ADAMTS5: variants seen among roughly 807,000 people sequenced by gnomAD.
The protein encoded by ADAMTS5 is ADAM metallopeptidase with thrombospondin type 1 motif 5.
A neutral mutation model predicts 81.4 loss-of-function variants in ADAMTS5; 54 were observed. The ratio of observed to expected loss-of-function variants is 0.66; its 90% confidence interval spans 0.53 to 0.83. The LOEUF is 0.83. Among genes scored for constraint, ADAMTS5 ranks in the 40% least tolerant of loss-of-function variants. The probability of loss-of-function intolerance (pLI) is 0.00; values close to 1 mark genes in which losing one functional copy is unlikely to be tolerated. For missense variants in ADAMTS5, 1,194 were observed against 1,229.9 expected (o/e 0.97, Z 0.44); for synonymous variants, 532 against 508.8 (o/e 1.05, Z -0.61).
At position 26,923,923 on chromosome 21, in the gene ADAMTS5, A is replaced by G. The variant is rs2123162363; in HGVS notation, c.*130T>C. 1 of 956,880 alleles carries G rather than the reference A, an allele frequency of 1.0e-6. No individual in the cohort carries two copies. Among genetic ancestry groups the G allele is most frequent in the Non-Finnish European group, 1.5e-6 (1 of 663,352 alleles). The allele number at this position is 956,880 out of a possible 1,614,324, so 59.3% of individuals were successfully genotyped here. ...TGGTCACAGAGAGCAGATTCTGCCC[A>G]TAATTGGACTCCTGTTGACAATGTC... On this transcript the variant is annotated 3_prime_UTR_variant, in exon 8 of 8. Transcript: ENST00000284987.
In ADAMTS5 at chr21:26,965,696, T is replaced by C; in HGVS notation, c.696A>G (p.Ala232=). ...GGTCCAAGAGCTGCGAGGCCAGTGC[T>C]GCGCGTCCGCTCGGGTTGCTGTGCG... ...APAHSNPSGR[A]ALASQLLDQS... The change falls in exon 1 of 8, where the codon GCA becomes GCG. Residue 232 remains alanine (A), a synonymous_variant. Transcript: ENST00000284987. The C allele has an allele frequency of 6.3e-7, 1 of 1,582,262 alleles. No homozygotes were observed. The highest frequency in any genetic ancestry group is 1.1e-5 in the South Asian group (1 of 87,526).
At chr21:26,949,199 GGAGAGA>G (rs71183587) in intron 2 of ADAMTS5, among the ~76,000 whole-genome samples, 7 of 138,576 alleles carry the variant, frequency 5.1e-5, no homozygotes, top group East Asian at 4.2e-4. Context: ...ATATATATAT[GGAGAGA>G]GAGAGAGAGA....
At position 26,965,546 on chromosome 21, in the gene ADAMTS5, C is replaced by G. The variant is rs762742485; in HGVS notation, c.846G>C (p.Leu282Phe). The change falls in exon 1 of 8, where the codon TTG becomes TTC. Residue 282 changes from leucine (L) to phenylalanine (F), a missense_variant. Transcript: ENST00000284987. ...GGTAATGCTGCAGGCCCCGGCCATA[C>G]AACCGCGCCATGGACGCGTCAGCCA... ...LLVADASMAR[L>F]YGRGLQHYLL... 11 of 1,612,372 alleles carry G rather than the reference C, an allele frequency of 6.8e-6. No homozygotes were observed. The highest frequency in any genetic ancestry group is 9.3e-6 in the Non-Finnish European group (11 of 1,178,922).
intron 2 of ADAMTS5, 37 bp from the exon 3 acceptor site, chr21:26,943,584 G>C (rs773886223): frequency 3.2e-6 from 5 of 1,573,026 alleles, no homozygotes. Context: ...AATAATCCGT[G>C]ATTGTGTATT....
At chr21:26,936,212 G>C (rs1987011024) in intron 3 of ADAMTS5, among the ~76,000 whole-genome samples, 1 of 152,198 alleles carries the variant, frequency 6.6e-6, no homozygotes, top group African/African-American at 2.4e-5. Context: ...GAAACACCCA[G>C]TCTGAAGTCT....
At chr21:26,957,705 A>G (rs148270411) in intron 1 of ADAMTS5, among the ~76,000 whole-genome samples, 78 of 152,302 alleles carry the variant, frequency 5.1e-4, no homozygotes, top group African/African-American at 1.8e-3. Flanking sequence ...TTAGTAAAAT[A>G]TGAAGGTTGC....
At chr21:26,926,613 C>T (rs1421864473) in intron 7 of ADAMTS5, among the ~76,000 whole-genome samples, 1 of 148,906 alleles carries the variant, frequency 6.7e-6, no homozygotes, top group African/African-American at 2.5e-5. Context: ...GCAGAGGTTG[C>T]AGTGAGCCAA....
intron 4 of ADAMTS5, among the ~76,000 whole-genome samples, chr21:26,933,269 G>GCAT (rs1470899370): frequency 2.0e-5 from 3 of 152,102 alleles, no homozygotes; most frequent in Non-Finnish European, 4.4e-5. Context: ...AGATCTGAAA[G>GCAT]CATCATCCTA....
chr21:26,943,800 C>T (rs1157835463), intron 2 of ADAMTS5, among the ~76,000 whole-genome samples: 1 of 152,192 alleles, frequency 6.6e-6, no homozygotes, highest in African/African-American at 2.4e-5. Flanking sequence ...ATCTGGATCA[C>T]ATATGCTTAA....
chr21:26,956,265 C>A (rs1005875296), intron 1 of ADAMTS5, among the ~76,000 whole-genome samples: 1 of 152,188 alleles, frequency 6.6e-6, no homozygotes. Context: ...CTCTTAACTT[C>A]ATTCTCAGGT....
intron 7 of ADAMTS5, among the ~76,000 whole-genome samples, chr21:26,925,606 G>C (rs558089305): frequency 6.6e-6 from 1 of 152,312 alleles, no homozygotes; most frequent in East Asian, 1.9e-4. Context: ...GCCTTTTTAA[G>C]TAATTTCATA....
In ADAMTS5 at chr21:26,924,276, G is replaced by A. The variant is rs146064610; in HGVS notation, c.2570C>T (p.Pro857Leu). The stretch of plus-strand genomic sequence containing the variant: ...ATGACTAGTGACAGAGTTTACTTTT[G>A]GAGTGGACTTCTTGGGAACAAAAAA... ...YSFFVPKKST[P>L]KVNSVTSHGS... Residue 857 changes from proline (P) to leucine (L), a missense_variant, in exon 8 of 8, where the codon CCA (proline) becomes CTA (leucine). Physicochemically the swap from Pro to Leu is moderately conservative, Grantham distance 98. Around this residue, in one of 2 missense-constraint regions of ADAMTS5, gnomAD observed 696 missense variants for 817.6 expected, o/e 0.85. Coordinates refer to ENST00000284987, the MANE Select transcript of ADAMTS5 (RefSeq NM_007038.5). 2 of 1,614,176 alleles carry A rather than the reference G, an allele frequency of 1.2e-6. No individual in the cohort carries two copies. The highest frequency in any genetic ancestry group is 2.7e-5 in the African/African-American group (2 of 75,038).
At position 26,965,951 on chromosome 21, in the gene ADAMTS5, G is replaced by A. The variant is rs1987648710; in HGVS notation, c.441C>T (p.Asp147=). The change falls in exon 1 of 8, where the codon GAC becomes GAT. Residue 147 remains aspartate (D), a synonymous_variant. Transcript: ENST00000284987. ...DGSPRSLAVF[D]LCGGLDGFFA... Reference sequence around the variant, plus strand: ...AGAAGCCGTCGAGACCCCCACAGAGGTCAAAGACAGCCAGAGAGCGGGGAC... The same window carrying A: ...AGAAGCCGTCGAGACCCCCACAGAGATCAAAGACAGCCAGAGAGCGGGGAC... 1 of 1,613,492 alleles carries A rather than the reference G, an allele frequency of 6.2e-7. No homozygotes were observed. Among genetic ancestry groups the A allele is most frequent in the South Asian group, 1.1e-5 (1 of 91,058 alleles).
chr21:26,950,650 C>T (rs573789304), intron 2 of ADAMTS5, among the ~76,000 whole-genome samples: 3 of 152,292 alleles, frequency 2.0e-5, no homozygotes, highest in South Asian at 4.1e-4. Flanking sequence ...GATTAGTTAC[C>T]TTCAAAATCT....
intron 1 of ADAMTS5, among the ~76,000 whole-genome samples, chr21:26,964,926 T>C (rs1354696413): frequency 6.6e-6 from 1 of 152,204 alleles, no homozygotes; most frequent in Admixed American, 6.5e-5. Flanking sequence ...AGAAGACCCA[T>C]GATCCCAAAG....
chr21:26,966,078 T>A lies in ADAMTS5; in HGVS notation c.314A>T (p.Asp105Val), dbSNP rs373263850. ...GRRFLLDLER[D>V]GSVGIAGFVP... ...GAAGCCAGCAATGCCCACCGAACCA[T>A]CTCGCTCCAGGTCCAAGAGGAACCT... Residue 105 changes from aspartate (D) to valine (V), a missense_variant, in exon 1 of 8, where the codon GAT becomes GTT. Physicochemically the swap from Asp to Val is radical, Grantham distance 152. Transcript: ENST00000284987. The A allele has an allele frequency of 4.3e-5, 69 of 1,612,878 alleles. No individual in the cohort carries two copies. The Middle Eastern group carries it at 6.6e-4, about 15-fold the overall frequency.
At chr21:26,964,572 T>C (rs575481373) in intron 1 of ADAMTS5, among the ~76,000 whole-genome samples, 4 of 152,334 alleles carry the variant, frequency 2.6e-5, no homozygotes, top group African/African-American at 9.6e-5. Context: ...GCCTGGGCAG[T>C]GCTTGCGACG....
chr21:26,965,981 G>C lies in ADAMTS5; in HGVS notation c.411C>G (p.Asp137Glu), dbSNP rs751691727. 1.2e-6 allele frequency: 2 copies of C among 1,613,138 alleles called. No individual in the cohort carries two copies. The highest frequency in any genetic ancestry group is 1.7e-5 in the Admixed American group (1 of 59,994). The change falls in exon 1 of 8, where the codon GAC becomes GAG. Residue 137 changes from aspartate (D) to glutamate (E), a missense_variant. Physicochemically the swap from Asp to Glu is conservative, Grantham distance 45 (BLOSUM62 2). Coordinates refer to ENST00000284987, the MANE Select transcript of ADAMTS5 (RefSeq NM_007038.5). ...RSHCFYRGTV[D>E]GSPRSLAVFD... is the part of the protein sequence containing the mutation. ...AGACAGCCAGAGAGCGGGGACTACC[G>C]TCCACTGTGCCCCGATAGAAGCAGT...
chr21:26,929,802 G>T, intron 7 of ADAMTS5, 84 bp downstream of exon 7: 3 of 1,380,348 alleles, frequency 2.2e-6, no homozygotes, highest in Non-Finnish European at 2.0e-6. Context: ...AGCTTATGAT[G>T]TAATATGAAT....
Sources: gnomAD v4.1 joint callset for allele counts (sites outside exome capture counted in the v4.1 genomes callset) on GRCh38, gnomAD v4.1.1 for gene constraint, gnomAD v4.1.1 regional missense constraint, MANE v1.5 for transcripts, NCBI Gene and HGNC (gene_info 2026-07-23, HGNC 2026-07-21) for gene names.